SLC2A13: variants seen among roughly 807,000 people sequenced by gnomAD.
SLC2A13 encodes the protein proton myo-inositol cotransporter.
SLC2A13 carries 32 observed loss-of-function variants against 64.4 expected under a neutral mutation model. The ratio of observed to expected loss-of-function variants is 0.50; its 90% CI spans 0.37 to 0.67. The LOEUF is 0.67. Among genes scored for constraint, SLC2A13 ranks in the 30% least tolerant of loss-of-function variants. The pLI is 0.00. For missense variants in SLC2A13, 743 were observed against 829.2 expected, an observed-to-expected ratio of 0.90 and a Z score of 1.28; for synonymous variants, 338 against 327.1, an observed-to-expected ratio of 1.03 and a Z score of -0.36.
chr12:39,902,461 T>C (rs546313247), intron 4 of SLC2A13, among the ~76,000 whole-genome samples: 3 of 152,114 alleles, frequency 2.0e-5, no homozygotes, highest in Non-Finnish European at 2.9e-5. Context: ...GTTATTTCAA[T>C]ACTCAGTTCA....
In SLC2A13 at chr12:39,782,933, T is replaced by C. The variant is rs190045236; in HGVS notation, c.1446-18075A>G. Among the ~76,000 whole-genome samples, 12 of 152,226 alleles carry C rather than the reference T, an allele frequency of 7.9e-5. No individual in the cohort carries two copies. The East Asian group carries it at 1.4e-3, about 17-fold the overall frequency. On this transcript the variant is annotated intron_variant, in intron 7 of 9. Transcript: ENST00000280871. ...ATGTGCACAATGTGCAGGTTTGTTA[T>C]GTATGTATACATGTGCCATGTTGGT...
intron 2 of SLC2A13, among the ~76,000 whole-genome samples, chr12:40,031,379 C>G (rs1016259677): frequency 2.6e-5 from 4 of 152,140 alleles, no homozygotes; most frequent in African/African-American, 9.7e-5. Flanking sequence ...CGTGCCACCA[C>G]GCCTGGCTAA....
At chr12:39,884,442 G>C (rs938143971) in intron 4 of SLC2A13, among the ~76,000 whole-genome samples, 1 of 152,082 alleles carries the variant, frequency 6.6e-6, no homozygotes, top group Non-Finnish European at 1.5e-5. Flanking sequence ...CTACAAATAA[G>C]TCACAGTAAT....
At chr12:39,991,790 T>C (rs1423791647) in intron 3 of SLC2A13, among the ~76,000 whole-genome samples, 2 of 110,232 alleles carry the variant, frequency 1.8e-5, no homozygotes, top group African/African-American at 6.8e-5. Flanking sequence ...TTCAAGATTA[T>C]ATTCTACTAT....
At position 39,758,685 on chromosome 12, in the gene SLC2A13, G is replaced by A. The variant is rs907954525; in HGVS notation, c.*1341C>T. ...AATTAAGCCTGCATTTCTTATAGAC[G>A]TGCTATATTAGAACCAATTATCTGT... On this transcript the variant is annotated 3_prime_UTR_variant, in exon 10 of 10. Transcript: ENST00000280871. 13 of 151,832 alleles carry A rather than the reference G, an allele frequency of 8.6e-5. No homozygotes were observed. Among genetic ancestry groups the A allele is most frequent in the Non-Finnish European group, 1.2e-4 (8 of 67,814 alleles). 9.4% of individuals were successfully genotyped at this position (151,832 alleles called of 1,614,324 possible). A position where few individuals can be genotyped will look rare whatever the true frequency, so the allele number is the denominator to read the frequency against.
At chr12:39,819,473 G>A (rs1421944456) in intron 7 of SLC2A13, among the ~76,000 whole-genome samples, 2 of 151,976 alleles carry the variant, frequency 1.3e-5, no homozygotes, top group Non-Finnish European at 2.9e-5. Flanking sequence ...TATTTATCAA[G>A]CCTTCCATTA....
chr12:39,935,846 G>A (rs1945908446), intron 4 of SLC2A13, among the ~76,000 whole-genome samples: 1 of 152,192 alleles, frequency 6.6e-6, no homozygotes, highest in South Asian at 2.1e-4. Context: ...CCATGTAGCA[G>A]GAGGTACATG....
intron 4 of SLC2A13, among the ~76,000 whole-genome samples, chr12:39,892,176 C>T (rs768998434): frequency 6.6e-6 from 1 of 152,188 alleles, no homozygotes; most frequent in Non-Finnish European, 1.5e-5. Flanking sequence ...AGAGCTTGAG[C>T]AGAGAAGCAG....
intron 7 of SLC2A13, among the ~76,000 whole-genome samples, chr12:39,810,299 T>C (rs1025492419): frequency 6.6e-6 from 1 of 152,224 alleles, no homozygotes; most frequent in East Asian, 1.9e-4. Context: ...TTTGATGATA[T>C]AATTAGCCTT....
At chr12:39,952,583 G>T (rs951711744) in intron 3 of SLC2A13, among the ~76,000 whole-genome samples, 2 of 152,096 alleles carry the variant, frequency 1.3e-5, no homozygotes, top group African/African-American at 4.8e-5. Flanking sequence ...TTCCTACATG[G>T]ATATAAGTAT....
intron 4 of SLC2A13, among the ~76,000 whole-genome samples, chr12:39,939,126 T>G (rs1225298043): frequency 2.6e-5 from 4 of 152,160 alleles, no homozygotes; most frequent in Non-Finnish European, 4.4e-5. Flanking sequence ...TGACATAGCC[T>G]GCTTACCAAT....
chr12:39,915,811 T>A (rs1945512356), intron 4 of SLC2A13, among the ~76,000 whole-genome samples: 1 of 151,856 alleles, frequency 6.6e-6, no homozygotes, highest in African/African-American at 2.4e-5. Flanking sequence ...ATCATAGGCA[T>A]CATAAAAAAA....
chr12:39,758,477 T>C lies in SLC2A13; in HGVS notation c.*1549A>G, dbSNP rs1342572499. On this transcript the variant is annotated 3_prime_UTR_variant, in exon 10 of 10. Coordinates refer to ENST00000280871, the MANE Select transcript of SLC2A13 (RefSeq NM_052885.4). ...AGAGCCATTTAAAAATGCATCAAAC[T>C]GATGTATTCCTAACTGGCCACAGAA... is the stretch of plus-strand genomic sequence containing the variant. The C allele has an allele frequency of 1.3e-5, 2 of 151,994 alleles. No individual in the cohort carries two copies. The highest frequency in any genetic ancestry group is 2.9e-5 in the Non-Finnish European group (2 of 67,800). 9.4% of individuals were successfully genotyped at this position (151,994 alleles called of 1,614,324 possible).
rs749625508 is a variant in SLC2A13 at position 39,852,493 on chromosome 12, T to TG, written c.1319+12268dup. 6.2e-4 allele frequency among the ~76,000 whole-genome samples: 94 copies of TG among 152,234 alleles called. 2 individuals carry two copies. Among genetic ancestry groups the TG allele is most frequent in the Non-Finnish European group, 1.3e-4 (9 of 68,040 alleles). ...ATAAAGAGGACTTGTTCATTGATCATGACTCACAGAAGATAACAAACCTGT... is the reference window on the plus strand; with the variant it reads ...ATAAAGAGGACTTGTTCATTGATCATGGACTCACAGAAGATAACAAACCTGT... On this transcript the variant is annotated intron_variant, in intron 6 of 9. Transcript: ENST00000280871.
intron 6 of SLC2A13, among the ~76,000 whole-genome samples, chr12:39,862,499 C>T (rs1203142177): frequency 1.3e-5 from 2 of 152,178 alleles, no homozygotes; most frequent in Non-Finnish European, 2.9e-5. Flanking sequence ...AATTTGTGCT[C>T]CCACTAATAG....
chr12:39,934,499 T>C (rs11174362), intron 4 of SLC2A13, among the ~76,000 whole-genome samples: 22,634 of 152,208 alleles, frequency 0.15, 1,766 homozygotes, highest in South Asian at 0.25. Context: ...TGGACTTTAA[T>C]GTGTAATTTA....
At chr12:39,789,724 T>A (rs1033344457) in intron 7 of SLC2A13, among the ~76,000 whole-genome samples, 5 of 152,152 alleles carry the variant, frequency 3.3e-5, no homozygotes, top group African/African-American at 1.2e-4. Flanking sequence ...TTTTTAAGTA[T>A]CCATTAACCT....
intron 1 of SLC2A13, among the ~76,000 whole-genome samples, chr12:40,083,958 C>G (rs146843807): frequency 6.6e-6 from 1 of 152,284 alleles, no homozygotes; most frequent in East Asian, 1.9e-4. Flanking sequence ...CCATTTCGAT[C>G]AACACCAGGT....
intron 4 of SLC2A13, among the ~76,000 whole-genome samples, chr12:39,906,184 T>C (rs1437559353): frequency 1.3e-5 from 2 of 152,192 alleles, no homozygotes. Context: ...CCTATAGGTT[T>C]AATAATCCCA....
Sources: allele counts gnomAD v4.1 joint callset (sites outside exome capture counted in the v4.1 genomes callset), GRCh38; gene constraint gnomAD v4.1.1; transcripts MANE v1.5; gene names NCBI Gene and HGNC (gene_info 2026-07-23, HGNC 2026-07-21).